TMEM60: variants seen among roughly 807,000 people sequenced by gnomAD.
TMEM60 encodes transmembrane protein 60.
TMEM60 carries 4 observed loss-of-function variants against 10.7 expected under a neutral mutation model. The observed-to-expected ratio is 0.37, with a 90% CI of 0.18 to 0.86. The LOEUF is 0.86. Among genes scored for constraint, TMEM60 ranks in the 40% least tolerant of loss-of-function variants. The pLI is 0.43. For synonymous variants in TMEM60, 56 were observed against 58.1 expected, an observed-to-expected ratio of 0.96 and a Z score of 0.17; for missense variants, 128 against 153.4, an observed-to-expected ratio of 0.83 and a Z score of 0.88.
intron 1 of TMEM60, among the ~76,000 whole-genome samples, chr7:77,795,014 C>T (rs1040577674): frequency 6.6e-5 from 10 of 152,024 alleles, no homozygotes; most frequent in African/African-American, 2.4e-4. Context: ...ATTGGCAAGG[C>T]GTGGTGGTAT....
intron 1 of TMEM60, among the ~76,000 whole-genome samples, chr7:77,796,834 A>T (rs1792175595): frequency 6.6e-6 from 1 of 152,196 alleles, no homozygotes; most frequent in Non-Finnish European, 1.5e-5. Context: ...TTTAGAACTA[A>T]CTTTGATGTA....
chr7:77,794,413 G>A lies in TMEM60; in HGVS notation c.-40C>T. On this transcript the variant is annotated 5_prime_UTR_variant, in exon 2 of 2. Transcript: ENST00000257663. ...GAGGCTGTTGCAGGATCGGAAAAAAGGAAATATACCCTAAGAGAAGGAGAA... is the reference window on the plus strand; with the variant it reads ...GAGGCTGTTGCAGGATCGGAAAAAAAGAAATATACCCTAAGAGAAGGAGAA... 1.4e-6 allele frequency: 2 copies of A among 1,443,720 alleles called. No homozygotes were observed. The highest frequency in any genetic ancestry group is 1.4e-5 in the African/African-American group (1 of 69,450). The allele number at this position is 1,443,720 out of a possible 1,614,324, so 89.4% of individuals were successfully genotyped here.
rs1792135137 is a variant in TMEM60, at chr7:77,793,795, T to C, written c.*177A>G. The C allele has an allele frequency of 1.6e-6, 1 of 615,886 alleles. No homozygotes were observed. The highest frequency in any genetic ancestry group is 3.9e-5 in the Admixed American group (1 of 25,958). 38.2% of individuals were successfully genotyped at this position (615,886 alleles called of 1,614,324 possible). ...TCTCAATAACTCAAATGCTGAATAATTAAGCTGTAGGTTGACTAGAAGTCC... is the reference window on the plus strand; with the variant it reads ...TCTCAATAACTCAAATGCTGAATAACTAAGCTGTAGGTTGACTAGAAGTCC... On this transcript the variant is annotated 3_prime_UTR_variant, in exon 2 of 2. Coordinates refer to ENST00000257663, the MANE Select transcript of TMEM60 (RefSeq NM_032936.4).
At position 77,793,904 on chromosome 7, in the gene TMEM60, G is replaced by C; in HGVS notation, c.*68C>G. ...CAGTTCTCTGGTATTCTTGAAGCTTGACAGATTCAGAACACTTTAATGGTA... is the reference window on the plus strand; with the variant it reads ...CAGTTCTCTGGTATTCTTGAAGCTTCACAGATTCAGAACACTTTAATGGTA... On this transcript the variant is annotated 3_prime_UTR_variant, in exon 2 of 2. Coordinates refer to ENST00000257663, the MANE Select transcript of TMEM60 (RefSeq NM_032936.4). 6.9e-7 allele frequency: 1 copy of C among 1,445,396 alleles called. No individual in the cohort carries two copies. The highest frequency in any genetic ancestry group is 1.4e-5 in the African/African-American group (1 of 69,930). The allele number at this position is 1,445,396 out of a possible 1,614,324, so 89.5% of individuals were successfully genotyped here. A position where few individuals can be genotyped will look rare whatever the true frequency, so the allele number is the denominator to read the frequency against.
intron 1 of TMEM60, among the ~76,000 whole-genome samples, chr7:77,795,052 G>T (rs754490220): frequency 5.3e-5 from 8 of 152,170 alleles, no homozygotes; most frequent in Non-Finnish European, 8.8e-5. Context: ...CTACTGAGAG[G>T]CTAAAGTGGG....
intron 1 of TMEM60, among the ~76,000 whole-genome samples, chr7:77,794,930 C>T (rs945574939): frequency 3.3e-5 from 5 of 152,056 alleles, no homozygotes; most frequent in African/African-American, 1.2e-4. Flanking sequence ...AGAAGGCAGG[C>T]ATATCATTTG....
intron 1 of TMEM60, among the ~76,000 whole-genome samples, chr7:77,796,184 C>T (rs1255187447): frequency 3.3e-5 from 5 of 152,266 alleles, no homozygotes; most frequent in Admixed American, 3.3e-4. Flanking sequence ...GTGATCCACC[C>T]ACCTCAGCCT....
chr7:77,797,553 A>G (rs1010806977), intron 1 of TMEM60, among the ~76,000 whole-genome samples: 1 of 152,204 alleles, frequency 6.6e-6, no homozygotes, highest in Admixed American at 6.5e-5. Flanking sequence ...AGCAGTCGTT[A>G]TGTTTCCTAC....
At chr7:77,797,642 T>C (rs998950517) in intron 1 of TMEM60, among the ~76,000 whole-genome samples, 6 of 152,242 alleles carry the variant, frequency 3.9e-5, no homozygotes, top group African/African-American at 1.4e-4. Context: ...AAGGTGGTTA[T>C]TTCTGGCACT....
chr7:77,795,686 T>C (rs1584315030), intron 1 of TMEM60, among the ~76,000 whole-genome samples: 1 of 152,210 alleles, frequency 6.6e-6, no homozygotes, highest in Non-Finnish European at 1.5e-5. Flanking sequence ...AACAATAGTC[T>C]CACTGATTGG....
In TMEM60 at chr7:77,794,012, A is replaced by G; in HGVS notation, c.362T>C (p.Leu121Ser). 1 of 1,593,312 alleles carries G rather than the reference A, an allele frequency of 6.3e-7. No individual in the cohort carries two copies. Among genetic ancestry groups the G allele is most frequent in the Non-Finnish European group, 8.5e-7 (1 of 1,173,600 alleles). ...IPLWALLAGA[L>S]TELGYNVFFV... Reference sequence around the variant, plus strand: ...AAAGACATTATATCCGAGTTCTGTTAAAGCCCCAGCCAGCAAGGCCCATAA... The same window carrying G: ...AAAGACATTATATCCGAGTTCTGTTGAAGCCCCAGCCAGCAAGGCCCATAA... The change falls in exon 2 of 2, where the codon TTA becomes TCA. Residue 121 changes from leucine to serine, a missense_variant. Coordinates refer to ENST00000257663, the MANE Select transcript of TMEM60 (RefSeq NM_032936.4).
At chr7:77,794,694 A>G (rs773702847) in intron 1 of TMEM60, among the ~76,000 whole-genome samples, 7 of 152,212 alleles carry the variant, frequency 4.6e-5, no homozygotes, top group Non-Finnish European at 8.8e-5. Flanking sequence ...CTATCACTCG[A>G]GTCCAGGCAC....
At chr7:77,795,348 C>T (rs910052542) in intron 1 of TMEM60, among the ~76,000 whole-genome samples, 2 of 151,976 alleles carry the variant, frequency 1.3e-5, no homozygotes, top group East Asian at 1.9e-4. Flanking sequence ...GGCGAAACCC[C>T]GTCTCTACTA....
intron 1 of TMEM60, among the ~76,000 whole-genome samples, chr7:77,796,001 G>A (rs1057257953): frequency 2.0e-5 from 3 of 151,782 alleles, no homozygotes; most frequent in East Asian, 1.9e-4. Context: ...GCAGTGGCAC[G>A]ATCTCAGGTC....
In TMEM60 at chr7:77,793,729, G is replaced by T; in HGVS notation, c.*243C>A. The T allele has an allele frequency of 2.5e-6, 1 of 397,872 alleles. No individual in the cohort carries two copies. The highest frequency in any genetic ancestry group is 4.4e-6 in the Non-Finnish European group (1 of 226,656). 24.6% of individuals were successfully genotyped at this position (397,872 alleles called of 1,614,324 possible). A position where few individuals can be genotyped will look rare whatever the true frequency, so the allele number is the denominator to read the frequency against. ...TTATTCAAGAGTCATGTAGAAAAATGAGGTCCAAAACAAACTTTATTTACA... is the reference window on the plus strand; with the variant it reads ...TTATTCAAGAGTCATGTAGAAAAATTAGGTCCAAAACAAACTTTATTTACA... On this transcript the variant is annotated 3_prime_UTR_variant, in exon 2 of 2. Coordinates refer to ENST00000257663, the MANE Select transcript of TMEM60 (RefSeq NM_032936.4).
intron 1 of TMEM60, among the ~76,000 whole-genome samples, chr7:77,795,963 G>A (rs953737155): frequency 6.6e-6 from 1 of 150,998 alleles, no homozygotes; most frequent in Non-Finnish European, 1.5e-5. Flanking sequence ...TTGAGACGGA[G>A]TCTCACTCTT....
rs116601557 is a variant in TMEM60, at chr7:77,794,542, C to A, written c.-50-119G>T. ...ACTTCCTAATTTTGAAAACATTCTA[C>A]TATTCTTCCTTTCAAATCCTCTAAA... On this transcript the variant is annotated intron_variant, in intron 1 of 1. Transcript: ENST00000257663. 3.1e-3 allele frequency: 1,884 copies of A among 605,294 alleles called. 33 individuals carry two copies. The African/African-American group carries it at 0.034, about 11-fold the overall frequency. 37.5% of individuals were successfully genotyped at this position (605,294 alleles called of 1,614,324 possible).
In TMEM60 at chr7:77,793,793, A is replaced by T; in HGVS notation, c.*179T>A. On this transcript the variant is annotated 3_prime_UTR_variant, in exon 2 of 2. Transcript: ENST00000257663. ...GATCTCAATAACTCAAATGCTGAATAATTAAGCTGTAGGTTGACTAGAAGT... is the reference window on the plus strand; with the variant it reads ...GATCTCAATAACTCAAATGCTGAATTATTAAGCTGTAGGTTGACTAGAAGT... 1.6e-6 allele frequency: 1 copy of T among 607,666 alleles called. No individual in the cohort carries two copies. Among genetic ancestry groups the T allele is most frequent in the Non-Finnish European group, 2.6e-6 (1 of 381,284 alleles). The allele number at this position is 607,666 out of a possible 1,614,324, so 37.6% of individuals were successfully genotyped here. A position where few individuals can be genotyped will look rare whatever the true frequency, so the allele number is the denominator to read the frequency against.
chr7:77,794,352 T>C lies in TMEM60; in HGVS notation c.22A>G (p.Arg8Gly). MRMSLAQ[R>G]VLLTWLFTLL... ...GTGAAAAGCCAGGTGAGTAGTACTC[T>C]CTGAGCCAAGGACATTCTCATTTAA... Residue 8 changes from arginine to glycine, a missense_variant, in exon 2 of 2, where the codon AGA becomes GGA. Coordinates refer to ENST00000257663, the MANE Select transcript of TMEM60 (RefSeq NM_032936.4). The C allele has an allele frequency of 6.3e-7, 1 of 1,583,654 alleles. No homozygotes were observed. Among genetic ancestry groups the C allele is most frequent in the Non-Finnish European group, 8.6e-7 (1 of 1,168,790 alleles).
Sources: gnomAD v4.1 joint callset for allele counts (sites outside exome capture counted in the v4.1 genomes callset) on GRCh38, gnomAD v4.1.1 for gene constraint, MANE v1.5 for transcripts, NCBI Gene and HGNC (gene_info 2026-07-23, HGNC 2026-07-21) for gene names.